Variants in ANXA10 observed in about 807,000 individuals in gnomAD.
The protein encoded by ANXA10 is annexin 14.
In ANXA10, 49 loss-of-function variants were observed where a neutral mutation model predicts 53.5. That is an observed-to-expected ratio of 0.92 (90% CI 0.73 to 1.16). The LOEUF (loss-of-function observed/expected upper bound fraction) is 1.16, where lower values mean the gene tolerates loss of function less well. ANXA10 is among the 50% of genes most tolerant of loss of function. ANXA10 has a pLI of 0.00. For synonymous variants in ANXA10, 131 were observed against 128.9 expected, an observed-to-expected ratio of 1.02 and a Z score of -0.11; for missense variants, 393 against 394.4, an observed-to-expected ratio of 1.00 and a Z score of 0.03.
At chr4:168,184,732 A>G in intron 11 of ANXA10, 51 bp downstream of exon 11, 1 of 1,599,448 alleles carries the variant, frequency 6.3e-7, no homozygotes, top group Non-Finnish European at 8.5e-7. Context: ...TCCTTTTTGA[A>G]ACTGAGATAA....
In ANXA10 at chr4:168,155,959, ATATAT is replaced by A. The variant is rs1396500225; in HGVS notation, c.196-6558_196-6554del. On this transcript the variant is annotated intron_variant, in intron 3 of 11. Coordinates refer to ENST00000359299, the MANE Select transcript of ANXA10 (RefSeq NM_007193.5). ...TGTTATATATAATATATGATATATC[ATATAT>A]TATATTATATGATATATCATATATT... 8.8e-4 allele frequency among the ~76,000 whole-genome samples: 9 copies of A among 10,198 alleles called. 2 individuals are homozygous for A. The highest frequency in any genetic ancestry group is 8.6e-3 in the East Asian group (1 of 116). 6.7% of individuals were successfully genotyped at this position (10,198 alleles called of 152,430 possible). A position where few individuals can be genotyped will look rare whatever the true frequency, so the allele number is the denominator to read the frequency against.
chr4:168,169,558 G>A (rs536733310), intron 6 of ANXA10, among the ~76,000 whole-genome samples: 6 of 152,256 alleles, frequency 3.9e-5, no homozygotes, highest in Admixed American at 1.3e-4. Flanking sequence ...GCTGGATGCC[G>A]ATCTCCGTCT....
intron 8 of ANXA10, among the ~76,000 whole-genome samples, chr4:168,178,695 T>A (rs2149480988): frequency 6.6e-6 from 1 of 152,324 alleles, no homozygotes; most frequent in Non-Finnish European, 1.5e-5. Flanking sequence ...ACTAAGTTCG[T>A]GAAATAAAGA....
intron 2 of ANXA10, among the ~76,000 whole-genome samples, chr4:168,138,813 G>T (rs1484022344): frequency 6.6e-6 from 1 of 151,974 alleles, no homozygotes; most frequent in Non-Finnish European, 1.5e-5. Flanking sequence ...TCACTTCCTT[G>T]GTTAAATGTA....
chr4:168,156,289 T>TATATTATATTATATATAATAGTATATATA (rs1416799839), intron 3 of ANXA10, among the ~76,000 whole-genome samples: 4 of 12,916 alleles, frequency 3.1e-4, no homozygotes, highest in African/African-American at 1.2e-3. Context: ...TAGTATATAT[T>TATATTATATTATATATAATAGTATATATA]ATATTATATT....
chr4:168,179,089 A>G (rs1187056719), intron 8 of ANXA10, 128 bp from the exon 9 acceptor site: 1 of 610,236 alleles, frequency 1.6e-6, no homozygotes, highest in Non-Finnish European at 2.8e-6. Context: ...TTTATAGCAA[A>G]CAGAATTGAT....
In ANXA10 at chr4:168,181,733, G is replaced by A. The variant is rs747327852; in HGVS notation, c.775G>A (p.Ala259Thr). 6 of 1,586,886 alleles carry A rather than the reference G, an allele frequency of 3.8e-6. No individual in the cohort carries two copies. Among genetic ancestry groups the A allele is most frequent in the Non-Finnish European group, 5.2e-6 (6 of 1,158,614 alleles). ...CTATTTTGCTTATAGATTATATAGT[G>A]CAATTCATGTAAGTAAGACATATAT... ...PAYFAYRLYS[A>T]IHDFGFHNKT... Residue 259 changes from alanine to threonine, a missense_variant, in exon 10 of 12, where the codon GCA becomes ACA. Ala to Thr is a moderately conservative substitution (Grantham distance 58). Transcript: ENST00000359299.
At chr4:168,095,103 C>T (rs1730520080) in intron 1 of ANXA10, among the ~76,000 whole-genome samples, 1 of 151,854 alleles carries the variant, frequency 6.6e-6, no homozygotes, top group Non-Finnish European at 1.5e-5. Flanking sequence ...GTGTACTTGC[C>T]CAAGTCAGGA....
intron 6 of ANXA10, among the ~76,000 whole-genome samples, chr4:168,177,213 T>C (rs991257336): frequency 6.6e-6 from 1 of 152,192 alleles, no homozygotes; most frequent in Non-Finnish European, 1.5e-5. Flanking sequence ...TTCCCTCCTG[T>C]TTGAAATGAT....
Position 168,187,380 on chromosome 4 carries a change from G to T in ANXA10, c.921G>T (p.Gly307=). The T allele has an allele frequency of 1.3e-6, 2 of 1,594,296 alleles. No homozygotes were observed. The highest frequency in any genetic ancestry group is 1.7e-6 in the Non-Finnish European group (2 of 1,169,202). The part of the protein sequence containing the change: ...LFHDIRNFAS[G]HYKKALLAIC... ...TTTCTTTTCAGAATTTTGCTTCAGG[G>T]CATTATAAGAAAGCACTGCTTGCCA... The change falls in exon 12 of 12, where the codon GGG becomes GGT. Residue 307 remains glycine (G), a synonymous_variant. Transcript: ENST00000359299.
intron 3 of ANXA10, among the ~76,000 whole-genome samples, chr4:168,145,459 C>T (rs1363995818): frequency 1.3e-5 from 2 of 152,170 alleles, no homozygotes; most frequent in African/African-American, 4.8e-5. Flanking sequence ...CTAAGTTCCT[C>T]CCAAAGCTAG....
At chr4:168,115,256 C>A (rs1276202190) in intron 1 of ANXA10, among the ~76,000 whole-genome samples, 6 of 152,042 alleles carry the variant, frequency 3.9e-5, no homozygotes, top group Non-Finnish European at 5.9e-5. Flanking sequence ...TGCTGAATAA[C>A]CCTATCATGG....
chr4:168,145,195 A>T (rs1052382260), intron 3 of ANXA10, among the ~76,000 whole-genome samples: 6 of 152,126 alleles, frequency 3.9e-5, no homozygotes, highest in African/African-American at 1.4e-4. Flanking sequence ...AAAATATCTC[A>T]AGCACTGACC....
intron 3 of ANXA10, among the ~76,000 whole-genome samples, chr4:168,161,219 CTTGAG>C (rs1173058315): frequency 6.6e-6 from 1 of 152,050 alleles, no homozygotes; most frequent in Non-Finnish European, 1.5e-5. Context: ...TTTAATTCAT[CTTGAG>C]TTAATTTTTG....
chr4:168,111,488 C>T (rs1730806113), intron 1 of ANXA10, among the ~76,000 whole-genome samples: 1 of 152,076 alleles, frequency 6.6e-6, no homozygotes, highest in African/African-American at 2.4e-5. Flanking sequence ...AGGGAAGATA[C>T]ACTATAAAAG....
At chr4:168,156,524 A>T (rs1467502098) in intron 3 of ANXA10, among the ~76,000 whole-genome samples, 1 of 145,730 alleles carries the variant, frequency 6.9e-6, no homozygotes, top group East Asian at 2.0e-4. Flanking sequence ...TTTTTTTGAG[A>T]CGGAGTCTCC....
chr4:168,169,374 A>G (rs953487173), intron 6 of ANXA10, among the ~76,000 whole-genome samples: 4 of 152,218 alleles, frequency 2.6e-5, no homozygotes, highest in African/African-American at 9.7e-5. Flanking sequence ...CAACAGTTCC[A>G]TTATAAGCCA....
rs371811709 is a variant in ANXA10, at chr4:168,096,926, A to ATATATATATATATATATATATATATG, written c.18+4211_18+4212insATATATATATATATATATATATGTAT. Among the ~76,000 whole-genome samples the ATATATATATATATATATATATATATG allele has an allele frequency of 4.9e-4, 63 of 129,882 alleles. 1 individual carries two copies. Among genetic ancestry groups the ATATATATATATATATATATATATATG allele is most frequent in the African/African-American group, 7.2e-4 (24 of 33,482 alleles). 85.2% of individuals were successfully genotyped at this position (129,882 alleles called of 152,430 possible). A position where few individuals can be genotyped will look rare whatever the true frequency, so the allele number is the denominator to read the frequency against. On this transcript the variant is annotated intron_variant, in intron 1 of 11. Coordinates refer to ENST00000359299, the MANE Select transcript of ANXA10 (RefSeq NM_007193.5). ...AATACAAATGCATATATATATATAT[A>ATATATATATATATATATATATATATG]TATGTATGTATATGTATATACAATA...
At chr4:168,131,124 T>C (rs976145687) in intron 2 of ANXA10, among the ~76,000 whole-genome samples, 4 of 151,978 alleles carry the variant, frequency 2.6e-5, no homozygotes, top group Non-Finnish European at 5.9e-5. Flanking sequence ...TATATGCATT[T>C]TTCTCTAAGC....
Sources: gnomAD v4.1 joint callset for allele counts (sites outside exome capture counted in the v4.1 genomes callset) on GRCh38, gnomAD v4.1.1 for gene constraint, MANE v1.5 for transcripts, NCBI Gene and HGNC (gene_info 2026-07-23, HGNC 2026-07-21) for gene names.